SYCP2L: variants seen among roughly 807,000 people sequenced by gnomAD.
SYCP2L encodes synaptonemal complex protein 2-like.
In SYCP2L, 98 loss-of-function variants were observed where a neutral mutation model predicts 125.8. That is an observed-to-expected ratio of 0.78 (90% CI 0.66 to 0.92). The LOEUF (loss-of-function observed/expected upper bound fraction) is 0.92. Ranked by LOEUF, SYCP2L falls within the 40% of genes least tolerant of loss-of-function variation. SYCP2L has a pLI of 0.00. For synonymous variants in SYCP2L, 317 were observed against 325.4 expected, an observed-to-expected ratio of 0.97 and a Z score of 0.28; for missense variants, 842 against 936.4, an observed-to-expected ratio of 0.90 and a Z score of 1.32.
intron 8 of SYCP2L, 71 bp downstream of exon 8, chr6:10,903,034 G>A (rs2113302136): frequency 3.9e-6 from 5 of 1,274,156 alleles, no homozygotes; most frequent in Non-Finnish European, 5.7e-6. Context: ...GCTTCAGTCT[G>A]TGTTCTACTT....
At chr6:10,957,519 G>T (rs1015211851) in intron 25 of SYCP2L, among the ~76,000 whole-genome samples, 7 of 152,150 alleles carry the variant, frequency 4.6e-5, no homozygotes, top group African/African-American at 1.7e-4. Flanking sequence ...GTGGGCTAGA[G>T]AGGAGTCTGG....
At chr6:10,906,942 A>C (rs549844159) in intron 9 of SYCP2L, among the ~76,000 whole-genome samples, 2 of 151,842 alleles carry the variant, frequency 1.3e-5, no homozygotes, top group South Asian at 4.2e-4. Context: ...GGTTTGAATG[A>C]GTATTTTAAT....
intron 24 of SYCP2L, 42 bp from the exon 25 acceptor site, chr6:10,956,094 C>T (rs1781498988): frequency 6.7e-7 from 1 of 1,495,018 alleles, no homozygotes; most frequent in Non-Finnish European, 9.3e-7. Flanking sequence ...CTACTTTGAA[C>T]ACTTTGTTAG....
At chr6:10,951,281 C>T (rs1047967013) in intron 23 of SYCP2L, among the ~76,000 whole-genome samples, 2 of 152,028 alleles carry the variant, frequency 1.3e-5, no homozygotes, top group East Asian at 1.9e-4. Flanking sequence ...AAAACATTAG[C>T]CAGGCATGGT....
chr6:10,910,990 C>A, intron 12 of SYCP2L, 121 bp downstream of exon 12: 4 of 1,019,622 alleles, frequency 3.9e-6, no homozygotes, highest in Non-Finnish European at 6.2e-6. Flanking sequence ...AAAAGGATGC[C>A]AACGTCTTCT....
intron 14 of SYCP2L, among the ~76,000 whole-genome samples, chr6:10,913,888 A>G (rs1780646964): frequency 6.6e-6 from 1 of 151,624 alleles, no homozygotes; most frequent in South Asian, 2.1e-4. Flanking sequence ...CTGGAGTGCA[A>G]TGGCGCGATC....
chr6:10,893,446 G>T (rs9368452), intron 2 of SYCP2L, among the ~76,000 whole-genome samples: 40,533 of 152,070 alleles, frequency 0.27, 6,516 homozygotes, highest in Non-Finnish European at 0.37. Context: ...ATGTCACTTA[G>T]TGAGTGATCA....
In SYCP2L at chr6:10,907,632, A is replaced by G. The variant is rs533633110; in HGVS notation, c.767A>G (p.Asp256Gly). The G allele has an allele frequency of 7.4e-6, 12 of 1,614,060 alleles. No homozygotes were observed. In the South Asian group the frequency reaches 1.3e-4, roughly 18 times the overall value. Residue 256 changes from aspartate (D) to glycine (G), a missense_variant, in exon 10 of 30, where the codon GAT becomes GGT. Physicochemically the swap from Asp to Gly is moderately conservative, Grantham distance 94. Coordinates refer to ENST00000283141, the MANE Select transcript of SYCP2L (RefSeq NM_001040274.3). ...RDELVHKWFDDEVIAEAFKEI... is the reference protein window; with the variant it reads ...RDELVHKWFDGEVIAEAFKEI... ...GAACTTGTCCATAAATGGTTTGATGATGAAGTCATTGCTGAAGCTTTCAAA... is the reference window on the plus strand; with the variant it reads ...GAACTTGTCCATAAATGGTTTGATGGTGAAGTCATTGCTGAAGCTTTCAAA...
intron 19 of SYCP2L, among the ~76,000 whole-genome samples, chr6:10,931,213 A>C (rs1037832328): frequency 6.6e-6 from 1 of 152,202 alleles, no homozygotes; most frequent in Non-Finnish European, 1.5e-5. Context: ...TGTGAGGGTG[A>C]CATTCAGGGA....
chr6:10,902,117 C>T lies in SYCP2L; in HGVS notation c.467-560C>T, dbSNP rs572186144. Among the ~76,000 whole-genome samples, 72 of 152,286 alleles carry T rather than the reference C, an allele frequency of 4.7e-4. 2 individuals carry two copies. The highest frequency in any genetic ancestry group is 3.4e-3 in the Middle Eastern group (1 of 294). On this transcript the variant is annotated intron_variant, in intron 6 of 29. Coordinates refer to ENST00000283141, the MANE Select transcript of SYCP2L (RefSeq NM_001040274.3). ...CTAGTTTAAGCCAGTCTAGATTTAC[C>T]CCTGGAACTGATCGGTCTCACCCAA...
chr6:10,895,397 G>A (rs530303328), intron 4 of SYCP2L, among the ~76,000 whole-genome samples: 5 of 152,164 alleles, frequency 3.3e-5, no homozygotes, highest in Admixed American at 1.3e-4. Flanking sequence ...CCCATTGGCC[G>A]GGGTCGGGTC....
At chr6:10,920,497 G>A (rs1038006104) in intron 14 of SYCP2L, among the ~76,000 whole-genome samples, 1 of 152,216 alleles carries the variant, frequency 6.6e-6, no homozygotes, top group African/African-American at 2.4e-5. Flanking sequence ...GATTACAGGC[G>A]TGAGACACCG....
intron 29 of SYCP2L, among the ~76,000 whole-genome samples, chr6:10,969,358 CTTTT>C (rs534262433): frequency 3.8e-5 from 4 of 105,026 alleles, no homozygotes; most frequent in Non-Finnish European, 7.6e-5. Context: ...AGGAAATTAT[CTTTT>C]TTTTTTTTTT....
chr6:10,947,411 C>T (rs1281581429), intron 23 of SYCP2L, among the ~76,000 whole-genome samples: 1 of 152,024 alleles, frequency 6.6e-6, no homozygotes, highest in Non-Finnish European at 1.5e-5. Context: ...CCATCCCACA[C>T]AAGAGTATGA....
At chr6:10,925,537 C>T (rs1315003046) in intron 15 of SYCP2L, among the ~76,000 whole-genome samples, 5 of 151,986 alleles carry the variant, frequency 3.3e-5, no homozygotes, top group Admixed American at 1.3e-4. Flanking sequence ...AAATTTGTGA[C>T]AAAAGGCAAA....
intron 29 of SYCP2L, among the ~76,000 whole-genome samples, chr6:10,970,370 A>T (rs751229032): frequency 6.6e-6 from 1 of 152,172 alleles, no homozygotes; most frequent in Non-Finnish European, 1.5e-5. Flanking sequence ...GTGGGTGTGG[A>T]TGGTGGGGGT....
intron 23 of SYCP2L, among the ~76,000 whole-genome samples, chr6:10,944,137 G>C (rs546654519): frequency 3.9e-5 from 6 of 152,262 alleles, no homozygotes; most frequent in African/African-American, 1.4e-4. Context: ...TTCTCAAAGT[G>C]ACTGTATCTT....
chr6:10,924,397 C>G (rs1242565473), intron 14 of SYCP2L, 99 bp from the exon 15 acceptor site: 17 of 990,982 alleles, frequency 1.7e-5, no homozygotes, highest in Admixed American at 3.7e-5. Flanking sequence ...ACAGAAAAAT[C>G]TGGACAAATA....
intron 29 of SYCP2L, among the ~76,000 whole-genome samples, chr6:10,972,962 TTGAC>T (rs1416698286): frequency 6.6e-6 from 1 of 152,140 alleles, no homozygotes; most frequent in Admixed American, 6.5e-5. Context: ...AGGTGAAAAT[TTGAC>T]TGAGTGTGTC....
Sources: gnomAD v4.1 joint callset for allele counts (sites outside exome capture counted in the v4.1 genomes callset) on GRCh38, gnomAD v4.1.1 for gene constraint, MANE v1.5 for transcripts, NCBI Gene and HGNC (gene_info 2026-07-23, HGNC 2026-07-21) for gene names.